Variants in USP48 observed in about 807,000 individuals in gnomAD.
The protein encoded by USP48 is ubiquitin carboxyl-terminal hydrolase 48.
Under a neutral mutation model 150.7 loss-of-function variants are expected in USP48, and 43 were observed. That is an observed-to-expected ratio of 0.29 (90% CI 0.22 to 0.37). The LOEUF is 0.37. USP48 is among the 10% of genes least tolerant of loss of function. The probability of loss-of-function intolerance (pLI) is 1.00; values close to 1 mark genes in which losing one functional copy is unlikely to be tolerated. For synonymous variants in USP48, 396 were observed against 425.9 expected, an observed-to-expected ratio of 0.93 and a Z score of 0.86; for missense variants, 813 against 1,249.6, an observed-to-expected ratio of 0.65 and a Z score of 5.27.
chr1:21,771,203 G>A lies in USP48; in HGVS notation c.134+11621C>T, dbSNP rs149640197. ...AACCTGGCCAACGTGGTGAAACCCC[G>A]TCTCTACTAAAAATACAAAAAGTAG... On this transcript the variant is annotated intron_variant, in intron 1 of 26. Coordinates refer to ENST00000308271, the MANE Select transcript of USP48 (RefSeq NM_032236.8). 5.7e-3 allele frequency among the ~76,000 whole-genome samples: 866 copies of A among 151,632 alleles called. 5 individuals carry two copies. The highest frequency in any genetic ancestry group is 0.02 in the African/African-American group (807 of 41,374).
At chr1:21,772,954 A>G (rs547614854) in intron 1 of USP48, among the ~76,000 whole-genome samples, 1 of 145,412 alleles carries the variant, frequency 6.9e-6, no homozygotes, top group Non-Finnish European at 1.6e-5. Context: ...AAGAAAGAAA[A>G]AAAGAAAGAA....
At chr1:21,778,376 T>C (rs1318308417) in intron 1 of USP48, among the ~76,000 whole-genome samples, 1 of 151,992 alleles carries the variant, frequency 6.6e-6, no homozygotes, top group Non-Finnish European at 1.5e-5. Context: ...AAAAAGGCAG[T>C]AACAAGTATA....
intron 15 of USP48, among the ~76,000 whole-genome samples, chr1:21,708,904 AAAG>A (rs2097682115): frequency 1.8e-5 from 1 of 54,990 alleles, no homozygotes; most frequent in African/African-American, 6.6e-5. Flanking sequence ...AAAAAAAAAG[AAAG>A]AAAAGAAAAG....
intron 25 of USP48, among the ~76,000 whole-genome samples, chr1:21,682,491 G>T (rs2097568647): frequency 6.8e-6 from 1 of 147,906 alleles, no homozygotes; most frequent in African/African-American, 2.5e-5. Flanking sequence ...GCTTTCTTAT[G>T]CTTCCTATGC....
chr1:21,708,530 A>AAACC (rs956266400), intron 15 of USP48, among the ~76,000 whole-genome samples: 15 of 152,088 alleles, frequency 9.9e-5, no homozygotes, highest in African/African-American at 3.6e-4. Context: ...ACAAACAAAC[A>AAACC]AACCCAGGTC....
At chr1:21,709,443 T>C (rs2152525877) in intron 15 of USP48, among the ~76,000 whole-genome samples, 1 of 152,240 alleles carries the variant, frequency 6.6e-6, no homozygotes, top group South Asian at 2.1e-4. Context: ...AAAAGGTTAA[T>C]TGGATTATCA....
intron 1 of USP48, among the ~76,000 whole-genome samples, chr1:21,758,734 A>G (rs959003835): frequency 2.7e-5 from 4 of 148,856 alleles, no homozygotes; most frequent in Non-Finnish European, 5.9e-5. Flanking sequence ...TGGGCGACAG[A>G]GCAAGACTCT....
intron 6 of USP48, among the ~76,000 whole-genome samples, chr1:21,749,213 C>G (rs1218845480): frequency 6.6e-6 from 1 of 151,956 alleles, no homozygotes; most frequent in African/African-American, 2.4e-5. Context: ...AATACTGGTA[C>G]CATCATCTCT....
At chr1:21,695,475 A>C (rs907207858) in intron 22 of USP48, among the ~76,000 whole-genome samples, 1 of 152,236 alleles carries the variant, frequency 6.6e-6, no homozygotes, top group Non-Finnish European at 1.5e-5. Context: ...AGAGACATTT[A>C]AGGTTTGGTG....
chr1:21,678,458 C>T lies in USP48; in HGVS notation c.*959G>A, dbSNP rs931366106. 9.9e-5 allele frequency: 15 copies of T among 151,992 alleles called. No individual in the cohort carries two copies. Among genetic ancestry groups the T allele is most frequent in the African/African-American group, 2.9e-4 (12 of 41,352 alleles). 9.4% of individuals were successfully genotyped at this position (151,992 alleles called of 1,614,324 possible). ...CTTTTTTAAACAATGATCTAAGAGA[C>T]CCTCTCAGGGCATTTTGGAATAATG... On this transcript the variant is annotated 3_prime_UTR_variant, in exon 27 of 27. Transcript: ENST00000308271.
At position 21,718,268 on chromosome 1, in the gene USP48, AG is replaced by A. The variant is rs556920504; in HGVS notation, c.1894+2767del. ...AACAAAATGCAATTAATCAATAAAA[AG>A]GGCTGTATGTTTTGACAGGGAGAGA... On this transcript the variant is annotated intron_variant, in intron 14 of 26. Transcript: ENST00000308271. 6.1e-3 allele frequency among the ~76,000 whole-genome samples: 922 copies of A among 152,342 alleles called. 7 individuals carry two copies. The highest frequency in any genetic ancestry group is 0.021 in the African/African-American group (880 of 41,574).
chr1:21,701,474 A>G, intron 22 of USP48, 24 bp downstream of exon 22: 1 of 1,604,694 alleles, frequency 6.2e-7, no homozygotes, highest in Middle Eastern at 1.7e-4. Context: ...AAGTATAACA[A>G]TGAAAAGCAG....
chr1:21,755,914 C>T (rs1487529568), intron 3 of USP48, among the ~76,000 whole-genome samples: 1 of 151,696 alleles, frequency 6.6e-6, no homozygotes, highest in Non-Finnish European at 1.5e-5. Context: ...ACCTGTAATC[C>T]CAGCACTCTG....
intron 1 of USP48, among the ~76,000 whole-genome samples, chr1:21,769,866 T>C (rs2097874016): frequency 6.6e-6 from 1 of 151,778 alleles, no homozygotes; most frequent in Admixed American, 6.6e-5. Context: ...GGTGATGAAG[T>C]GAAATCCTGT....
At chr1:21,765,526 A>G (rs1390170148) in intron 1 of USP48, among the ~76,000 whole-genome samples, 1 of 151,878 alleles carries the variant, frequency 6.6e-6, no homozygotes, top group East Asian at 1.9e-4. Flanking sequence ...CTGAGGCAGA[A>G]GGCTCGCTTG....
At chr1:21,710,354 A>C (rs1039961819) in intron 15 of USP48, among the ~76,000 whole-genome samples, 1 of 152,188 alleles carries the variant, frequency 6.6e-6, no homozygotes, top group African/African-American at 2.4e-5. Flanking sequence ...CCCTCAATCT[A>C]GTTCAAACTG....
chr1:21,682,386 T>C (rs1325503398), intron 25 of USP48, among the ~76,000 whole-genome samples: 11 of 152,098 alleles, frequency 7.2e-5, no homozygotes, highest in Admixed American at 7.2e-4. Flanking sequence ...TACATTTCCA[T>C]GAACTCTCTT....
intron 1 of USP48, among the ~76,000 whole-genome samples, chr1:21,781,085 T>A (rs917041624): frequency 1.7e-4 from 26 of 150,558 alleles, no homozygotes; most frequent in Middle Eastern, 3.4e-3. Context: ...TTTATTTTTT[T>A]AAATTTATCC....
intron 2 of USP48, 139 bp downstream of exon 2, chr1:21,757,524 G>T: frequency 1.2e-6 from 1 of 860,798 alleles, no homozygotes; most frequent in Non-Finnish European, 1.7e-6. Context: ...GTGGCTTAGA[G>T]TCTTAAGTTC....
Sources: allele counts gnomAD v4.1 joint callset (sites outside exome capture counted in the v4.1 genomes callset), GRCh38; gene constraint gnomAD v4.1.1; transcripts MANE v1.5; gene names NCBI Gene and HGNC (gene_info 2026-07-23, HGNC 2026-07-21).